ST18: variants seen among roughly 807,000 people sequenced by gnomAD.
ST18 encodes the protein ST18 C2H2C-type zinc finger transcription factor.
ST18 carries 50 observed loss-of-function variants against 110.0 expected under a neutral mutation model. The observed-to-expected ratio is 0.45, with a 90% CI of 0.36 to 0.58. The LOEUF is 0.58. ST18 is among the 20% of genes least tolerant of loss of function. The pLI, the probability that ST18 is intolerant of heterozygous loss-of-function variation, is 0.00. For missense variants in ST18, 1,306 were observed against 1,280.1 expected (o/e 1.02, Z -0.31); for synonymous variants, 461 against 452.4 (o/e 1.02, Z -0.24).
Position 52,229,025 on chromosome 8 carries a change from A to C in ST18, c.-419+1007T>G, listed in dbSNP as rs530803776. Among the ~76,000 whole-genome samples, 6 of 152,316 alleles carry C rather than the reference A, an allele frequency of 3.9e-5. No individual in the cohort carries two copies. The East Asian group carries it at 1.2e-3, about 29-fold the overall frequency. ...AGGGGTGTCACAAAGTAGAAAACAG[A>C]ACTCTCTGAGTTGGCAATAACTATC... On this transcript the variant is annotated intron_variant, in intron 3 of 25. Transcript: ENST00000689386.
intron 2 of ST18, among the ~76,000 whole-genome samples, chr8:52,402,093 G>A (rs942515699): frequency 3.9e-5 from 6 of 152,134 alleles, no homozygotes; most frequent in African/African-American, 9.7e-5. Context: ...CAGTGTCTTC[G>A]GCTGTAGGAG....
At chr8:52,234,096 G>A (rs1310184697) in intron 2 of ST18, among the ~76,000 whole-genome samples, 1 of 151,946 alleles carries the variant, frequency 6.6e-6, no homozygotes, top group African/African-American at 2.4e-5. Flanking sequence ...GTATTTTTTG[G>A]CTATGTTAAC....
chr8:52,224,377 T>A (rs1444369380), intron 3 of ST18, among the ~76,000 whole-genome samples: 2 of 152,226 alleles, frequency 1.3e-5, no homozygotes, highest in Admixed American at 6.5e-5. Context: ...TTTTGCCACT[T>A]TATATTTATG....
chr8:52,119,435 C>T (rs1038657909), intron 23 of ST18, among the ~76,000 whole-genome samples: 3 of 152,080 alleles, frequency 2.0e-5, no homozygotes, highest in African/African-American at 7.2e-5. Flanking sequence ...GTAGAGACTT[C>T]ATAGGAGCAA....
chr8:52,264,782 A>G (rs910291923), intron 2 of ST18, among the ~76,000 whole-genome samples: 3 of 152,212 alleles, frequency 2.0e-5, no homozygotes, highest in Non-Finnish European at 4.4e-5. Flanking sequence ...CCTGCATCTA[A>G]AGATGCTCAA....
intron 2 of ST18, among the ~76,000 whole-genome samples, chr8:52,344,844 G>A (rs1030227146): frequency 6.6e-6 from 1 of 152,020 alleles, no homozygotes; most frequent in Admixed American, 6.6e-5. Flanking sequence ...TGATAACTTT[G>A]CAAGTTTTAC....
intron 2 of ST18, among the ~76,000 whole-genome samples, chr8:52,399,863 A>G (rs1463810206): frequency 6.6e-6 from 1 of 152,038 alleles, no homozygotes; most frequent in East Asian, 1.9e-4. Context: ...TATGTGCACT[A>G]GAAAAGAATG....
chr8:52,190,209 T>C lies in ST18; in HGVS notation c.87-9897A>G, dbSNP rs956954767. The stretch of plus-strand genomic sequence containing the variant: ...AACTTTAACCCATGTGTAAAACATG[T>C]ATATAAAACAGAAATGAATTTCATG... On this transcript the variant is annotated intron_variant, in intron 8 of 25. Coordinates refer to ENST00000689386, the MANE Select transcript of ST18 (RefSeq NM_001352837.2). Among the ~76,000 whole-genome samples, 9 of 152,262 alleles carry C rather than the reference T, an allele frequency of 5.9e-5. No individual in the cohort carries two copies. In the South Asian group the frequency reaches 1.9e-3, roughly 32 times the overall value.
At chr8:52,195,056 T>G (rs1301728216) in intron 8 of ST18, among the ~76,000 whole-genome samples, 1 of 152,218 alleles carries the variant, frequency 6.6e-6, no homozygotes, top group Non-Finnish European at 1.5e-5. Flanking sequence ...CAAACTCCTT[T>G]TAAGTGCCCA....
intron 2 of ST18, among the ~76,000 whole-genome samples, chr8:52,319,280 C>G (rs539823695): frequency 1.3e-5 from 2 of 152,038 alleles, no homozygotes; most frequent in Non-Finnish European, 2.9e-5. Flanking sequence ...CAAAGCATTT[C>G]TCTGTGTATA....
At chr8:52,143,402 G>A (rs556582841) in intron 16 of ST18, among the ~76,000 whole-genome samples, 2 of 152,106 alleles carry the variant, frequency 1.3e-5, no homozygotes, top group Admixed American at 6.5e-5. Context: ...GGAGAATTGC[G>A]TGAACCCGGG....
At chr8:52,202,009 C>T (rs2360805) in intron 8 of ST18, among the ~76,000 whole-genome samples, 84,685 of 152,094 alleles carry the variant, frequency 0.56, 26,267 homozygotes, top group African/African-American at 0.85. Flanking sequence ...TAGGCTGATT[C>T]GTAGTTGAGG....
At chr8:52,392,175 G>T (rs1225797560) in intron 2 of ST18, among the ~76,000 whole-genome samples, 2 of 152,214 alleles carry the variant, frequency 1.3e-5, no homozygotes, top group Non-Finnish European at 2.9e-5. Flanking sequence ...TACATGAGAG[G>T]ATTTATGTTG....
chr8:52,403,642 G>A (rs1843501645), intron 2 of ST18: 1 of 152,262 alleles, frequency 6.6e-6, no homozygotes, highest in African/African-American at 2.4e-5. Context: ...GTGCTCCACT[G>A]GATTTCTGCC....
chr8:52,116,516 T>A, intron 24 of ST18, 98 bp from the exon 25 acceptor site: 1 of 1,220,968 alleles, frequency 8.2e-7, no homozygotes, highest in Non-Finnish European at 1.2e-6. Context: ...ATCTGAATAC[T>A]AAGAGATGCA....
At chr8:52,179,698 T>A (rs2068570854) in intron 9 of ST18, among the ~76,000 whole-genome samples, 1 of 152,146 alleles carries the variant, frequency 6.6e-6, no homozygotes, top group Admixed American at 6.5e-5. Flanking sequence ...CATATATATA[T>A]CATCATCACT....
intron 2 of ST18, among the ~76,000 whole-genome samples, chr8:52,387,428 CA>C (rs1837269443): frequency 6.6e-6 from 1 of 152,046 alleles, no homozygotes; most frequent in Admixed American, 6.6e-5. Context: ...AGGGTTAAAC[CA>C]AACTCAAAAT....
chr8:52,212,035 A>G (rs1398717649), intron 8 of ST18, 44 bp downstream of exon 8: 3 of 1,576,894 alleles, frequency 1.9e-6, no homozygotes, highest in African/African-American at 1.4e-5. Flanking sequence ...CGAATAATCA[A>G]GGCCCATTAA....
intron 2 of ST18, among the ~76,000 whole-genome samples, chr8:52,329,219 ATG>A (rs71252933): frequency 0.015 from 1,971 of 131,338 alleles, 17 homozygotes; most frequent in African/African-American, 0.028. Context: ...GCATGTATTT[ATG>A]TGTGTGTGTG....
Sources: allele counts gnomAD v4.1 joint callset (sites outside exome capture counted in the v4.1 genomes callset), GRCh38; gene constraint gnomAD v4.1.1; transcripts MANE v1.5; gene names NCBI Gene and HGNC (gene_info 2026-07-23, HGNC 2026-07-21).